ANAPC4: variants seen among roughly 807,000 people sequenced by gnomAD.
The protein encoded by ANAPC4 is anaphase promoting complex subunit 4.
In ANAPC4, 63 loss-of-function variants were observed where a neutral mutation model predicts 119.8. The ratio of observed to expected loss-of-function variants is 0.53; its 90% CI spans 0.43 to 0.65. The LOEUF is 0.65. Ranked by LOEUF, ANAPC4 falls within the 30% of genes least tolerant of loss-of-function variation. The probability of loss-of-function intolerance (pLI) is 0.00; values close to 1 mark genes in which losing one functional copy is unlikely to be tolerated. For synonymous variants in ANAPC4, 283 were observed against 318.6 expected, an observed-to-expected ratio of 0.89 and a Z score of 1.19; for missense variants, 716 against 945.1, an observed-to-expected ratio of 0.76 and a Z score of 3.18.
intron 22 of ANAPC4, 188 bp downstream of exon 22, chr4:25,413,930 C>T (rs1723716063): frequency 3.1e-5 from 16 of 511,400 alleles, no homozygotes; most frequent in South Asian, 2.9e-4. Flanking sequence ...TTCTTACACA[C>T]GTGTGTGTGT....
chr4:25,411,502 A>T (rs1349202151), intron 21 of ANAPC4, among the ~76,000 whole-genome samples: 1 of 152,200 alleles, frequency 6.6e-6, no homozygotes, highest in Non-Finnish European at 1.5e-5. Flanking sequence ...CAAGTGCTAA[A>T]TACTTGATCT....
At chr4:25,385,266 AATAC>A (rs1447194454) in intron 4 of ANAPC4, among the ~76,000 whole-genome samples, 1 of 152,218 alleles carries the variant, frequency 6.6e-6, no homozygotes, top group Non-Finnish European at 1.5e-5. Context: ...CTGGCTTTAA[AATAC>A]ATACATACGT....
intron 20 of ANAPC4, among the ~76,000 whole-genome samples, chr4:25,409,248 A>G (rs879568637): frequency 5.9e-5 from 9 of 152,236 alleles, no homozygotes; most frequent in Non-Finnish European, 8.8e-5. Flanking sequence ...TATGAAACTA[A>G]TTTATAACTT....
At chr4:25,412,823 T>C (rs1219346859) in intron 21 of ANAPC4, 1 of 152,162 alleles carries the variant, frequency 6.6e-6, no homozygotes, top group Non-Finnish European at 1.5e-5. Flanking sequence ...GGAAGCTCTG[T>C]TCTAGGAACT....
chr4:25,406,893 G>A lies in ANAPC4; in HGVS notation c.1374+8G>A. 1 of 1,585,998 alleles carries A rather than the reference G, an allele frequency of 6.3e-7. No individual in the cohort carries two copies. The highest frequency in any genetic ancestry group is 8.6e-7 in the Non-Finnish European group (1 of 1,164,566). Reference sequence around the variant, plus strand: ...ACTGAACATTTCAATGAGGTAAGAAGTTGATATTTCTGTAATGCAGTTTAA... The same window carrying A: ...ACTGAACATTTCAATGAGGTAAGAAATTGATATTTCTGTAATGCAGTTTAA... On this transcript the variant is annotated splice_region_variant and intron_variant, in intron 19 of 28. Coordinates refer to ENST00000315368, the MANE Select transcript of ANAPC4 (RefSeq NM_013367.3).
intron 18 of ANAPC4, 141 bp from the exon 19 acceptor site, chr4:25,406,688 T>C: frequency 3.1e-6 from 2 of 654,396 alleles, no homozygotes; most frequent in Non-Finnish European, 5.3e-6. Flanking sequence ...GCATAATCTA[T>C]ATTTCTTTGA....
chr4:25,406,953 C>A, intron 19 of ANAPC4, 68 bp downstream of exon 19: 2 of 1,259,620 alleles, frequency 1.6e-6, no homozygotes, highest in Non-Finnish European at 2.2e-6. Flanking sequence ...AATGACAAGA[C>A]ATAATTAAAT....
chr4:25,384,752 G>A (rs147438381), intron 4 of ANAPC4, among the ~76,000 whole-genome samples: 19 of 151,270 alleles, frequency 1.3e-4, no homozygotes, highest in East Asian at 7.8e-4. Context: ...GCAGTGAGCC[G>A]TAACTGGACC....
chr4:25,416,786 C>G, intron 27 of ANAPC4, 188 bp downstream of exon 27: 1 of 388,690 alleles, frequency 2.6e-6, no homozygotes, highest in South Asian at 1.0e-4. Context: ...TTTTTTGTCC[C>G]TTTGCTTTAC....
intron 5 of ANAPC4, 64 bp downstream of exon 5, chr4:25,388,638 T>G: frequency 6.4e-7 from 1 of 1,555,692 alleles, no homozygotes; most frequent in South Asian, 1.2e-5. Flanking sequence ...CTTTTAACAC[T>G]GTGACAATTT....
rs564163504 is a variant in ANAPC4, at chr4:25,418,388, C to T, written c.*6C>T. Reference sequence around the variant, plus strand: ...ACCCTGAGCTAGACTCCTAATCTAGCTTGCCATTATTGTGTGTGTAATTAT... The same window carrying T: ...ACCCTGAGCTAGACTCCTAATCTAGTTTGCCATTATTGTGTGTGTAATTAT... On this transcript the variant is annotated 3_prime_UTR_variant, in exon 29 of 29. Coordinates refer to ENST00000315368, the MANE Select transcript of ANAPC4 (RefSeq NM_013367.3). 7 of 1,613,366 alleles carry T rather than the reference C, an allele frequency of 4.3e-6. No homozygotes were observed. In the East Asian group the frequency reaches 8.9e-5, roughly 21 times the overall value.
intron 21 of ANAPC4, among the ~76,000 whole-genome samples, chr4:25,412,697 G>C (rs1008229183): frequency 6.6e-6 from 1 of 151,814 alleles, no homozygotes; most frequent in Admixed American, 6.6e-5. Flanking sequence ...TTTGCAATGA[G>C]CTGAGACTGC....
chr4:25,381,818 G>A (rs568231260), intron 3 of ANAPC4, among the ~76,000 whole-genome samples: 1 of 152,136 alleles, frequency 6.6e-6, no homozygotes, highest in East Asian at 1.9e-4. Flanking sequence ...CGTGGTGGTG[G>A]GCACCTGTAA....
In ANAPC4 at chr4:25,410,982, AT is replaced by A. The variant is rs375948065; in HGVS notation, c.1525+1194del. On this transcript the variant is annotated intron_variant, in intron 21 of 28. Transcript: ENST00000315368. ...ACCTATAGCAATTTCTGCCACTTGT[AT>A]TTGGTTGCTGCTTCTGTGAATGAAT... 3.0e-3 allele frequency among the ~76,000 whole-genome samples: 425 copies of A among 141,296 alleles called. 2 individuals carry two copies. The highest frequency in any genetic ancestry group is 0.025 in the South Asian group (110 of 4,396). The allele number at this position is 141,296 out of a possible 152,430, so 92.7% of individuals were successfully genotyped here. A position where few individuals can be genotyped will look rare whatever the true frequency, so the allele number is the denominator to read the frequency against.
chr4:25,402,484 A>AT lies in ANAPC4; in HGVS notation c.1215-486dup, dbSNP rs200540153. Among the ~76,000 whole-genome samples the AT allele has an allele frequency of 6.2e-3, 939 of 152,338 alleles. 9 individuals carry two copies. The highest frequency in any genetic ancestry group is 0.021 in the African/African-American group (886 of 41,580). On this transcript the variant is annotated intron_variant, in intron 16 of 28. Coordinates refer to ENST00000315368, the MANE Select transcript of ANAPC4 (RefSeq NM_013367.3). ...AACTTTTGAGATCTCAATTGTTAGG[A>AT]TAAAAAATCAGCTTCCAAAAATAAT...
chr4:25,403,689 A>G (rs995886798), intron 17 of ANAPC4, among the ~76,000 whole-genome samples: 1 of 152,136 alleles, frequency 6.6e-6, no homozygotes, highest in African/African-American at 2.4e-5. Flanking sequence ...ATAAAACTGT[A>G]TATTTGGTTC....
chr4:25,382,309 A>C (rs73254159), intron 3 of ANAPC4, among the ~76,000 whole-genome samples: 10,455 of 152,294 alleles, frequency 0.069, 476 homozygotes, highest in African/African-American at 0.13. Flanking sequence ...CACTGGGAAG[A>C]ACTTTGCCAG....
chr4:25,413,910 C>T (rs1258877414), intron 22 of ANAPC4, 168 bp downstream of exon 22: 2 of 576,026 alleles, frequency 3.5e-6, no homozygotes, highest in Non-Finnish European at 3.0e-6. Context: ...CCTAATACTC[C>T]AACTTAAGTT....
chr4:25,398,756 G>A (rs1722790857), intron 16 of ANAPC4, among the ~76,000 whole-genome samples: 1 of 151,982 alleles, frequency 6.6e-6, no homozygotes, highest in Admixed American at 6.6e-5. Flanking sequence ...AATCTGAAGT[G>A]GTCAGGATTG....
Sources: gnomAD v4.1 joint callset for allele counts (sites outside exome capture counted in the v4.1 genomes callset) on GRCh38, gnomAD v4.1.1 for gene constraint, MANE v1.5 for transcripts, NCBI Gene and HGNC (gene_info 2026-07-23, HGNC 2026-07-21) for gene names.